The following TSPAN13 variants were observed in gnomAD, a reference collection of about 807,000 sequenced individuals.
TSPAN13 encodes tetraspanin 13.
A neutral mutation model predicts 26.9 loss-of-function variants in TSPAN13; 18 were observed. The ratio of observed to expected loss-of-function variants is 0.67; its 90% CI spans 0.46 to 0.99. The LOEUF (loss-of-function observed/expected upper bound fraction) is 0.99, where lower values mean the gene tolerates loss of function less well. Among genes scored for constraint, TSPAN13 ranks in the 50% least tolerant of loss-of-function variants. TSPAN13 has a pLI of 0.00. For synonymous variants in TSPAN13, 116 were observed against 98.4 expected (o/e 1.18, Z -1.06); for missense variants, 201 against 249.6 (o/e 0.81, Z 1.31).
chr7:16,759,011 G>A (rs1327166853), intron 1 of TSPAN13, among the ~76,000 whole-genome samples: 2 of 152,044 alleles, frequency 1.3e-5, no homozygotes, highest in African/African-American at 4.8e-5. Flanking sequence ...TTATGGGGGT[G>A]GACAGATGAT....
Position 16,753,932 on chromosome 7 carries a change from A to T in TSPAN13, c.-36A>T. The T allele has an allele frequency of 6.2e-7, 1 of 1,605,344 alleles. No individual in the cohort carries two copies. The highest frequency in any genetic ancestry group is 8.5e-7 in the Non-Finnish European group (1 of 1,175,722). The stretch of plus-strand genomic sequence containing the variant: ...GTCAGGGAACCTCCGCCGGAGTCGA[A>T]TTTACGTGCAGCTGCCGGCAACCAC... On this transcript the variant is annotated 5_prime_UTR_variant, in exon 1 of 6. Coordinates refer to ENST00000262067, the MANE Select transcript of TSPAN13 (RefSeq NM_014399.4).
In TSPAN13 at chr7:16,783,559, T is replaced by G; in HGVS notation, c.*68T>G. 6.8e-7 allele frequency: 1 copy of G among 1,462,840 alleles called. No individual in the cohort carries two copies. Among genetic ancestry groups the G allele is most frequent in the Non-Finnish European group, 9.6e-7 (1 of 1,043,928 alleles). 90.6% of individuals were successfully genotyped at this position (1,462,840 alleles called of 1,614,324 possible). A position where few individuals can be genotyped will look rare whatever the true frequency, so the allele number is the denominator to read the frequency against. On this transcript the variant is annotated 3_prime_UTR_variant, in exon 6 of 6. Coordinates refer to ENST00000262067, the MANE Select transcript of TSPAN13 (RefSeq NM_014399.4). Reference sequence around the variant, plus strand: ...CACTTTCTGTAATTTTCTGTTAAGCTCCATTTGCCAGTTTAAGGAAGGAAA... The same window carrying G: ...CACTTTCTGTAATTTTCTGTTAAGCGCCATTTGCCAGTTTAAGGAAGGAAA...
At chr7:16,775,222 A>G (rs947263474) in intron 1 of TSPAN13, among the ~76,000 whole-genome samples, 2 of 152,274 alleles carry the variant, frequency 1.3e-5, no homozygotes, top group Non-Finnish European at 2.9e-5. Flanking sequence ...CCTAATACCT[A>G]TGTAAGCTTC....
intron 5 of TSPAN13, among the ~76,000 whole-genome samples, chr7:16,781,977 C>T (rs1419375459): frequency 6.6e-6 from 1 of 152,306 alleles, no homozygotes; most frequent in Non-Finnish European, 1.5e-5. Flanking sequence ...CAGGTTTGAA[C>T]ATGGGCTCTA....
intron 1 of TSPAN13, among the ~76,000 whole-genome samples, chr7:16,762,796 G>T (rs73071726): frequency 0.014 from 2,065 of 152,142 alleles, 53 homozygotes; most frequent in African/African-American, 0.046. Context: ...AAAACTCTAG[G>T]TACCATGAAT....
chr7:16,765,294 G>A (rs1784593192), intron 1 of TSPAN13, among the ~76,000 whole-genome samples: 1 of 152,010 alleles, frequency 6.6e-6, no homozygotes, highest in African/African-American at 2.4e-5. Flanking sequence ...GTAGAGACAA[G>A]GTCTCCCCAT....
Position 16,783,707 on chromosome 7 carries a change from G to T in TSPAN13, c.*216G>T. ...AAACTTGTGGTCTCTGAAGCTCGGT[G>T]GCACCTGGAATTTACTGTATTCATT... On this transcript the variant is annotated 3_prime_UTR_variant, in exon 6 of 6. Transcript: ENST00000262067. 1 of 553,788 alleles carries T rather than the reference G, an allele frequency of 1.8e-6. No individual in the cohort carries two copies. Among genetic ancestry groups the T allele is most frequent in the Non-Finnish European group, 3.2e-6 (1 of 313,776 alleles). The allele number at this position is 553,788 out of a possible 1,614,324, so 34.3% of individuals were successfully genotyped here. A position where few individuals can be genotyped will look rare whatever the true frequency, so the allele number is the denominator to read the frequency against.
chr7:16,774,574 T>C (rs1237136199), intron 1 of TSPAN13, among the ~76,000 whole-genome samples: 2 of 152,124 alleles, frequency 1.3e-5, no homozygotes, highest in Non-Finnish European at 2.9e-5. Flanking sequence ...CCAAGACTGT[T>C]TGAAGTTGTG....
At chr7:16,767,682 C>A (rs1460160487) in intron 1 of TSPAN13, among the ~76,000 whole-genome samples, 3 of 152,036 alleles carry the variant, frequency 2.0e-5, no homozygotes, top group African/African-American at 7.3e-5. Context: ...GTTTTAGGTT[C>A]TTTACATTCT....
At chr7:16,774,329 C>G (rs1215713169) in intron 1 of TSPAN13, among the ~76,000 whole-genome samples, 2 of 152,174 alleles carry the variant, frequency 1.3e-5, no homozygotes, top group Non-Finnish European at 2.9e-5. Flanking sequence ...AACAGAAGTA[C>G]AGCAAGCTGC....
rs1784839533 is a variant in TSPAN13 at position 16,783,662 on chromosome 7, C to G, written c.*171C>G. The G allele has an allele frequency of 1.5e-6, 1 of 648,198 alleles. No homozygotes were observed. Among genetic ancestry groups the G allele is most frequent in the African/African-American group, 1.8e-5 (1 of 55,068 alleles). 40.2% of individuals were successfully genotyped at this position (648,198 alleles called of 1,614,324 possible). A position where few individuals can be genotyped will look rare whatever the true frequency, so the allele number is the denominator to read the frequency against. ...TGTTTCTCTACATGTTTTTTTCTTT[C>G]CGTTGCTGAAAAATATTTGAAACTT... is the stretch of plus-strand genomic sequence containing the variant. On this transcript the variant is annotated 3_prime_UTR_variant, in exon 6 of 6. Coordinates refer to ENST00000262067, the MANE Select transcript of TSPAN13 (RefSeq NM_014399.4).
chr7:16,772,750 A>C (rs1459119287), intron 1 of TSPAN13, among the ~76,000 whole-genome samples: 2 of 152,038 alleles, frequency 1.3e-5, no homozygotes, highest in Non-Finnish European at 2.9e-5. Flanking sequence ...AATCCCAGCA[A>C]TTTGGGAGGC....
intron 1 of TSPAN13, among the ~76,000 whole-genome samples, chr7:16,761,493 G>A (rs1021313581): frequency 1.3e-5 from 2 of 152,026 alleles, no homozygotes; most frequent in African/African-American, 4.8e-5. Context: ...GAATGTTGAG[G>A]CATATTGAGG....
chr7:16,766,929 T>A (rs898932320), intron 1 of TSPAN13, among the ~76,000 whole-genome samples: 12 of 151,974 alleles, frequency 7.9e-5, no homozygotes, highest in African/African-American at 2.9e-4. Flanking sequence ...TATGCCAGTG[T>A]TTTTTTTCTC....
intron 1 of TSPAN13, among the ~76,000 whole-genome samples, chr7:16,759,094 A>G (rs777575563): frequency 1.9e-4 from 29 of 152,184 alleles, no homozygotes; most frequent in Non-Finnish European, 3.8e-4. Context: ...GCGGAGTAAA[A>G]GGAAAGATAG....
intron 1 of TSPAN13, 150 bp downstream of exon 1, chr7:16,754,180 C>T (rs901517587): frequency 3.7e-6 from 3 of 802,308 alleles, no homozygotes; most frequent in Admixed American, 2.4e-5. Flanking sequence ...CCTCACCATC[C>T]GTCCCCGCCG....
chr7:16,779,314 C>G (rs1027365898), intron 5 of TSPAN13, among the ~76,000 whole-genome samples, 198 bp downstream of exon 5: 45 of 152,148 alleles, frequency 3.0e-4, no homozygotes, highest in African/African-American at 8.2e-4. Flanking sequence ...AAGGCTTGAT[C>G]TGTCTCTTCT....
At chr7:16,759,776 T>C (rs1028311897) in intron 1 of TSPAN13, among the ~76,000 whole-genome samples, 1 of 151,606 alleles carries the variant, frequency 6.6e-6, no homozygotes, top group African/African-American at 2.4e-5. Context: ...CAGAGAGCTG[T>C]CTCCTGGGCT....
intron 1 of TSPAN13, among the ~76,000 whole-genome samples, chr7:16,775,495 A>G (rs2115334084): frequency 6.6e-6 from 1 of 152,294 alleles, no homozygotes; most frequent in East Asian, 1.9e-4. Context: ...TCTATATATG[A>G]TTTTTAATAA....
Sources: allele counts gnomAD v4.1 joint callset (sites outside exome capture counted in the v4.1 genomes callset), GRCh38; gene constraint gnomAD v4.1.1; transcripts MANE v1.5; gene names NCBI Gene and HGNC (gene_info 2026-07-23, HGNC 2026-07-21).